RGS3: variants seen among roughly 807,000 people sequenced by gnomAD.
RGS3 encodes regulator of G protein signaling 3, also known as regulator of G-protein signalling 3.
Under a neutral mutation model 132.6 loss-of-function variants are expected in RGS3, and 80 were observed. That is an observed-to-expected ratio of 0.60 (90% CI 0.50 to 0.73). The LOEUF (loss-of-function observed/expected upper bound fraction) is 0.73. Among genes scored for constraint, RGS3 ranks in the 30% least tolerant of loss-of-function variants. The pLI is 0.00. For synonymous variants in RGS3, 598 were observed against 620.6 expected, an observed-to-expected ratio of 0.96 and a Z score of 0.54; for missense variants, 1,382 against 1,530.8, an observed-to-expected ratio of 0.90 and a Z score of 1.62.
At chr9:113,516,679 A>G (rs558227590) in intron 15 of RGS3, among the ~76,000 whole-genome samples, 5 of 152,010 alleles carry the variant, frequency 3.3e-5, no homozygotes, top group African/African-American at 9.6e-5. Context: ...TTTCATGTTC[A>G]TTTTAATATT....
At chr9:113,588,769 C>T (rs965679471) in intron 20 of RGS3, among the ~76,000 whole-genome samples, 8 of 152,208 alleles carry the variant, frequency 5.3e-5, no homozygotes, top group African/African-American at 7.2e-5. Context: ...AGCACGTCCC[C>T]GTGTTAACTT....
At chr9:113,502,834 C>G (rs1270882322) in intron 10 of RGS3, among the ~76,000 whole-genome samples, 1 of 152,242 alleles carries the variant, frequency 6.6e-6, no homozygotes, top group East Asian at 1.9e-4. Flanking sequence ...AAATCTAGCT[C>G]TGTTCCTCTT....
chr9:113,583,727 C>T (rs1449796608), exon 20 of RGS3: 1 of 1,614,070 alleles, frequency 6.2e-7, no homozygotes, highest in Admixed American at 1.7e-5. Flanking sequence ...GAACCCCCTC[C>T]AGCCCAAGAC....
At chr9:113,482,307 G>T (rs894917331) in intron 4 of RGS3, among the ~76,000 whole-genome samples, 1 of 152,098 alleles carries the variant, frequency 6.6e-6, no homozygotes, top group Non-Finnish European at 1.5e-5. Context: ...AGCACTTCAG[G>T]CACATTACCT....
At chr9:113,574,356 C>T (rs1037858391) in intron 19 of RGS3, among the ~76,000 whole-genome samples, 1 of 152,228 alleles carries the variant, frequency 6.6e-6, no homozygotes, top group Non-Finnish European at 1.5e-5. Flanking sequence ...TTACCTCCTC[C>T]CAGAGCCATC....
chr9:113,529,006 A>T (rs143735680), intron 17 of RGS3, among the ~76,000 whole-genome samples: 1 of 152,148 alleles, frequency 6.6e-6, no homozygotes, highest in Non-Finnish European at 1.5e-5. Context: ...GGCCAGGCTG[A>T]CCCGCAGGCA....
intron 18 of RGS3, among the ~76,000 whole-genome samples, chr9:113,531,014 G>A (rs1191504790): frequency 6.6e-5 from 10 of 152,192 alleles, no homozygotes; most frequent in Non-Finnish European, 1.5e-4. Flanking sequence ...GGCATCCAGA[G>A]AAGAAAAAGA....
chr9:113,518,395 G>C (rs1322019251), intron 16 of RGS3, among the ~76,000 whole-genome samples: 3 of 152,204 alleles, frequency 2.0e-5, no homozygotes, highest in Non-Finnish European at 2.9e-5. Context: ...TTTGTATCGA[G>C]ACCCAGGTCT....
intron 3 of RGS3, among the ~76,000 whole-genome samples, chr9:113,477,790 T>A (rs547247337): frequency 1.3e-5 from 2 of 152,070 alleles, no homozygotes; most frequent in Non-Finnish European, 2.9e-5. Flanking sequence ...GGAAGCAAGC[T>A]CCCCATTGCT....
intron 17 of RGS3, among the ~76,000 whole-genome samples, chr9:113,524,410 G>A (rs1297035787): frequency 6.6e-6 from 1 of 152,204 alleles, no homozygotes; most frequent in Non-Finnish European, 1.5e-5. Flanking sequence ...ATATGCCCTG[G>A]TTGGTACATG....
At chr9:113,526,498 G>C (rs1184203794) in intron 17 of RGS3, among the ~76,000 whole-genome samples, 1 of 152,162 alleles carries the variant, frequency 6.6e-6, no homozygotes, top group Admixed American at 6.5e-5. Context: ...TTCAAAGCTC[G>C]GCTTTGCCAC....
At chr9:113,461,620 C>T in intron 1 of RGS3, 1 of 1,355,978 alleles carries the variant, frequency 7.4e-7, no homozygotes. Flanking sequence ...GGGCAGGAGT[C>T]AGGAGGGGAC....
intron 19 of RGS3, among the ~76,000 whole-genome samples, chr9:113,548,318 C>T (rs774789426): frequency 2.6e-5 from 4 of 152,192 alleles, no homozygotes; most frequent in Admixed American, 6.5e-5. Flanking sequence ...AAATGTAAGT[C>T]ACTGTGTTGG....
intron 3 of RGS3, among the ~76,000 whole-genome samples, chr9:113,467,993 T>G (rs1829705581): frequency 6.6e-6 from 1 of 152,260 alleles, no homozygotes; most frequent in Admixed American, 6.5e-5. Flanking sequence ...CCCAAAGTGC[T>G]GGGATTATAG....
At chr9:113,595,123 G>C in intron 23 of RGS3, 143 bp downstream of exon 21, 2 of 783,512 alleles carry the variant, frequency 2.6e-6, no homozygotes, top group Non-Finnish European at 4.2e-6. Flanking sequence ...CGGAGGGGCT[G>C]AGCCCAAGCT....
Position 113,537,041 on chromosome 9 carries a change from G to C in RGS3, c.2037+123G>C. 1.1e-6 allele frequency: 1 copy of C among 878,624 alleles called. No homozygotes were observed. The highest frequency in any genetic ancestry group is 1.7e-5 in the South Asian group (1 of 59,782). The allele number at this position is 878,624 out of a possible 1,614,324, so 54.4% of individuals were successfully genotyped here. On this transcript the variant is annotated intron_variant, in intron 19 of 24. Transcript: ENST00000350696. This position sits in a 1 kb window ranked among gnomAD's most constrained non-coding sequence, Gnocchi z 4.3. ...CTTCCAACTTGGCTCTGGGCAATGA[G>C]CTCTTGGCAAGCGGGGACCTGTGCC... is the stretch of plus-strand genomic sequence containing the variant.
At chr9:113,555,686 C>T (rs774685599) in intron 19 of RGS3, among the ~76,000 whole-genome samples, 1 of 152,052 alleles carries the variant, frequency 6.6e-6, no homozygotes, top group African/African-American at 2.4e-5. Flanking sequence ...AGGGTGGTCT[C>T]GAACTCCTGA....
chr9:113,497,179 G>A lies in RGS3; in HGVS notation c.751-135G>A. 1.4e-5 allele frequency: 9 copies of A among 662,614 alleles called. 1 individual carries two copies. Among genetic ancestry groups the A allele is most frequent in the Middle Eastern group, 2.5e-4 (1 of 3,962 alleles). The allele number at this position is 662,614 out of a possible 1,614,324, so 41.0% of individuals were successfully genotyped here. ...CTGGAGGTGCAGGCATGGCAGCTCG[G>A]GGCCAGGAAGGCTGGAGAGTCTGTC... On this transcript the variant is annotated intron_variant, in intron 8 of 24. Transcript: ENST00000350696.
At chr9:113,514,401 G>A in intron 14 of RGS3, 57 bp from the exon 13 acceptor site, 1 of 1,487,474 alleles carries the variant, frequency 6.7e-7, no homozygotes, top group Non-Finnish European at 9.3e-7. Context: ...TCTACAGAGG[G>A]GACACCTTTG....
Sources: gnomAD v4.1 joint callset for allele counts (sites outside exome capture counted in the v4.1 genomes callset) on GRCh38, gnomAD v4.1.1 for gene constraint, Gnocchi (gnomAD v3.1) non-coding constraint, MANE v1.5 for transcripts, NCBI Gene and HGNC (gene_info 2026-07-23, HGNC 2026-07-21) for gene names.